The following NMNAT2 variants were observed in gnomAD, a reference collection of about 807,000 sequenced individuals.
NMNAT2 encodes the protein nicotinamide nucleotide adenylyltransferase 2.
NMNAT2 carries 11 observed loss-of-function variants against 41.6 expected under a neutral mutation model. The observed-to-expected ratio is 0.26, with a 90% CI of 0.17 to 0.44. The LOEUF (loss-of-function observed/expected upper bound fraction) is 0.44. NMNAT2 is among the 20% of genes least tolerant of loss of function. The pLI is 1.00. For missense variants in NMNAT2, 288 were observed against 407.7 expected, an observed-to-expected ratio of 0.71 and a Z score of 2.53; for synonymous variants, 148 against 151.2, an observed-to-expected ratio of 0.98 and a Z score of 0.16.
intron 1 of NMNAT2, among the ~76,000 whole-genome samples, chr1:183,379,901 C>T (rs548831051): frequency 1.5e-4 from 23 of 152,336 alleles, no homozygotes; most frequent in African/African-American, 5.3e-4. Flanking sequence ...TTAAACTTTT[C>T]TTTCTAATCC....
intron 1 of NMNAT2, among the ~76,000 whole-genome samples, chr1:183,354,624 C>T (rs905182954): frequency 6.6e-6 from 1 of 151,972 alleles, no homozygotes; most frequent in African/African-American, 2.4e-5. Flanking sequence ...ACCATGTTGC[C>T]CAGGCTGGTC....
At chr1:183,390,630 A>G (rs1185466724) in intron 1 of NMNAT2, among the ~76,000 whole-genome samples, 1 of 152,180 alleles carries the variant, frequency 6.6e-6, no homozygotes, top group Non-Finnish European at 1.5e-5. Context: ...AAAATAACTC[A>G]TGCTTCGGAT....
chr1:183,403,337 C>T (rs770948624), intron 1 of NMNAT2, among the ~76,000 whole-genome samples: 1 of 152,020 alleles, frequency 6.6e-6, no homozygotes, highest in Non-Finnish European at 1.5e-5. Context: ...AATGTTTAAT[C>T]GCAATAGCCT....
chr1:183,301,773 A>G (rs1661859265), intron 1 of NMNAT2, among the ~76,000 whole-genome samples: 1 of 152,262 alleles, frequency 6.6e-6, no homozygotes, highest in Non-Finnish European at 1.5e-5. Flanking sequence ...AAAATTCATG[A>G]GACACACATA....
At chr1:183,384,857 G>A (rs1343787635) in intron 1 of NMNAT2, among the ~76,000 whole-genome samples, 1 of 151,980 alleles carries the variant, frequency 6.6e-6, no homozygotes, top group Non-Finnish European at 1.5e-5. Flanking sequence ...TAGAGTGCTG[G>A]GCAGGATATT....
chr1:183,377,464 T>C (rs183558223), intron 1 of NMNAT2, among the ~76,000 whole-genome samples: 2 of 152,110 alleles, frequency 1.3e-5, no homozygotes, highest in Non-Finnish European at 1.5e-5. Flanking sequence ...AGTACAGACA[T>C]TGACAAAAAT....
intron 1 of NMNAT2, among the ~76,000 whole-genome samples, chr1:183,351,256 A>C (rs74129752): frequency 0.013 from 1,981 of 152,334 alleles, 33 homozygotes; most frequent in African/African-American, 0.045. Context: ...GACGAAGTGC[A>C]TGGATTCCTG....
rs191256620 is a variant in NMNAT2, at chr1:183,316,912, C to T, written c.86-23119G>A. 2.0e-3 allele frequency among the ~76,000 whole-genome samples: 299 copies of T among 152,324 alleles called. 1 individual carries two copies. Among genetic ancestry groups the T allele is most frequent in the Non-Finnish European group, 2.5e-3 (169 of 68,022 alleles). On this transcript the variant is annotated intron_variant, in intron 1 of 10. Transcript: ENST00000287713. ...GCATTTTGGGACTCTAAGTCAGCAT[C>T]CTTGGCATGCCTGTGTTCCAGATCT... is the stretch of plus-strand genomic sequence containing the variant.
intron 1 of NMNAT2, among the ~76,000 whole-genome samples, chr1:183,322,336 G>T (rs1369585068): frequency 6.6e-6 from 1 of 152,162 alleles, no homozygotes; most frequent in Non-Finnish European, 1.5e-5. Context: ...AGGTGTGTAT[G>T]GTCCCAGGCT....
rs1557897802 is a variant in NMNAT2 at position 183,389,841 on chromosome 1, A to AAAGGAAGG, written c.85+28341_85+28342insCCTTCCTT. Among the ~76,000 whole-genome samples the AAAGGAAGG allele has an allele frequency of 1.3e-4, 9 of 70,430 alleles. 1 individual carries two copies. The highest frequency in any genetic ancestry group is 4.3e-4 in the African/African-American group (9 of 20,774). The allele number at this position is 70,430 out of a possible 152,430, so 46.2% of individuals were successfully genotyped here. A position where few individuals can be genotyped will look rare whatever the true frequency, so the allele number is the denominator to read the frequency against. On this transcript the variant is annotated intron_variant, in intron 1 of 10. Coordinates refer to ENST00000287713, the MANE Select transcript of NMNAT2 (RefSeq NM_015039.4). ...GAAAGAAAGAAAGAAAGAAAGAAAG[A>AAAGGAAGG]AAGGAAAAAAGAGAAAGAAAGAAAG... is the stretch of plus-strand genomic sequence containing the variant.
Position 183,369,303 on chromosome 1 carries a change from C to T in NMNAT2, c.85+48880G>A, listed in dbSNP as rs1321971671. On this transcript the variant is annotated intron_variant, in intron 1 of 10. Transcript: ENST00000287713. ...TTATTTATTTATTTATTTTTGACGG[C>T]ATCTTGCTCTGTTGCCAGGCTGGAG... Among the ~76,000 whole-genome samples, 6 of 145,462 alleles carry T rather than the reference C, an allele frequency of 4.1e-5. No homozygotes were observed. The Admixed American group carries it at 4.2e-4, about 10-fold the overall frequency.
chr1:183,263,400 G>A (rs1229475727), intron 8 of NMNAT2, among the ~76,000 whole-genome samples: 1 of 152,186 alleles, frequency 6.6e-6, no homozygotes, highest in Non-Finnish European at 1.5e-5. Context: ...CTTCTGCCAT[G>A]GCATTTAGGA....
chr1:183,386,166 G>A (rs1648236298), intron 1 of NMNAT2, among the ~76,000 whole-genome samples: 1 of 152,098 alleles, frequency 6.6e-6, no homozygotes, highest in Admixed American at 6.5e-5. Flanking sequence ...GGACTATCTT[G>A]TAAACAAAAA....
At chr1:183,322,473 C>T (rs1266663003) in intron 1 of NMNAT2, among the ~76,000 whole-genome samples, 5 of 152,122 alleles carry the variant, frequency 3.3e-5, no homozygotes, top group Admixed American at 6.5e-5. Flanking sequence ...TAGAACGATC[C>T]TCCTCCACCT....
At chr1:183,257,068 C>T (rs887905261) in intron 10 of NMNAT2, among the ~76,000 whole-genome samples, 5 of 151,898 alleles carry the variant, frequency 3.3e-5, no homozygotes, top group African/African-American at 4.8e-5. Context: ...GTGTCTTTAT[C>T]TGGCTTAGGT....
intron 1 of NMNAT2, among the ~76,000 whole-genome samples, chr1:183,338,625 A>G (rs1662729733): frequency 6.6e-6 from 1 of 152,198 alleles, no homozygotes; most frequent in South Asian, 2.1e-4. Context: ...CTGTTGCCCA[A>G]GTTGGTAAAT....
intron 1 of NMNAT2, among the ~76,000 whole-genome samples, chr1:183,360,500 C>T (rs1258700412): frequency 2.0e-5 from 3 of 152,110 alleles, no homozygotes; most frequent in Non-Finnish European, 4.4e-5. Flanking sequence ...TACCCATCCA[C>T]GAGTCTCCGA....
chr1:183,404,278 C>T (rs1328629331), intron 1 of NMNAT2, among the ~76,000 whole-genome samples: 2 of 151,938 alleles, frequency 1.3e-5, no homozygotes, highest in Admixed American at 6.6e-5. Flanking sequence ...TTAGTAGAGA[C>T]GGGGTTTCAC....
At chr1:183,399,829 A>G (rs1461524561) in intron 1 of NMNAT2, among the ~76,000 whole-genome samples, 2 of 152,220 alleles carry the variant, frequency 1.3e-5, no homozygotes, top group African/African-American at 4.8e-5. Flanking sequence ...TTATCTCAAT[A>G]GATACAGAAA....
Sources: allele counts gnomAD v4.1 joint callset (sites outside exome capture counted in the v4.1 genomes callset), GRCh38; gene constraint gnomAD v4.1.1; transcripts MANE v1.5; gene names NCBI Gene and HGNC (gene_info 2026-07-23, HGNC 2026-07-21).